Variants in SAE1 observed in about 807,000 individuals in gnomAD.
SAE1 encodes the protein SUMO-activating enzyme subunit 1.
Under a neutral mutation model 40.6 loss-of-function variants are expected in SAE1, and 11 were observed. The ratio of observed to expected loss-of-function variants is 0.27; its 90% CI spans 0.17 to 0.45. SAE1 has a LOEUF of 0.45. SAE1 is among the 20% of genes least tolerant of loss of function. The probability of loss-of-function intolerance (pLI) is 1.00; values close to 1 mark genes in which losing one functional copy is unlikely to be tolerated. For synonymous variants in SAE1, 155 were observed against 154.3 expected (o/e 1.00, Z -0.03); for missense variants, 373 against 427.3 (o/e 0.87, Z 1.12).
At chr19:47,158,882 T>C (rs949408393) in intron 5 of SAE1, among the ~76,000 whole-genome samples, 14 of 152,226 alleles carry the variant, frequency 9.2e-5, no homozygotes, top group Admixed American at 8.5e-4. Context: ...CAAAGAGGGA[T>C]ACCCCTGAAG....
intron 6 of SAE1, among the ~76,000 whole-genome samples, chr19:47,196,782 T>TG: frequency 6.6e-6 from 1 of 152,094 alleles, no homozygotes; most frequent in Admixed American, 6.6e-5. Context: ...GATACCACCC[T>TG]ACAGAGGGTG....
At chr19:47,151,384 C>T (rs542151794) in intron 3 of SAE1, among the ~76,000 whole-genome samples, 1 of 152,274 alleles carries the variant, frequency 6.6e-6, no homozygotes, top group African/African-American at 2.4e-5. Context: ...CCCCTGACCT[C>T]AGGTAATCCA....
chr19:47,182,507 ACG>A (rs1308937901), intron 6 of SAE1, among the ~76,000 whole-genome samples: 1 of 137,670 alleles, frequency 7.3e-6, no homozygotes. Flanking sequence ...GCGCGCACGC[ACG>A]CGCGCGCGCA....
chr19:47,173,823 C>T (rs2058450427), intron 6 of SAE1, among the ~76,000 whole-genome samples: 1 of 147,856 alleles, frequency 6.8e-6, no homozygotes, highest in African/African-American at 2.5e-5. Flanking sequence ...CTCTCTCTGT[C>T]ACCCAGGCTG....
chr19:47,147,451 GT>G (rs913600035), intron 2 of SAE1, among the ~76,000 whole-genome samples: 1 of 150,894 alleles, frequency 6.6e-6, no homozygotes. Context: ...TCAATTATAT[GT>G]TTTTTTTGTT....
intron 1 of SAE1, among the ~76,000 whole-genome samples, chr19:47,134,650 T>C (rs906123663): frequency 2.6e-5 from 4 of 151,966 alleles, no homozygotes; most frequent in Admixed American, 2.0e-4. Flanking sequence ...ACTGGAAGGG[T>C]TAATCGAAGG....
chr19:47,153,401 A>G (rs2058299660), intron 4 of SAE1, among the ~76,000 whole-genome samples: 1 of 152,218 alleles, frequency 6.6e-6, no homozygotes, highest in Non-Finnish European at 1.5e-5. Flanking sequence ...CATTTTGAAC[A>G]CTGAGGCTGC....
chr19:47,194,994 C>G (rs377634387), intron 6 of SAE1, among the ~76,000 whole-genome samples: 1 of 150,840 alleles, frequency 6.6e-6, no homozygotes, highest in Non-Finnish European at 1.5e-5. Context: ...CTGCCTGCCT[C>G]GGCCTCCCAA....
At chr19:47,148,903 C>T (rs1420466897) in intron 2 of SAE1, among the ~76,000 whole-genome samples, 5 of 152,008 alleles carry the variant, frequency 3.3e-5, no homozygotes, top group African/African-American at 9.7e-5. Flanking sequence ...CGTGAGCCAC[C>T]GCACCTGGCC....
chr19:47,158,770 A>G (rs974966682), intron 5 of SAE1, among the ~76,000 whole-genome samples: 1 of 152,178 alleles, frequency 6.6e-6, no homozygotes, highest in Non-Finnish European at 1.5e-5. Context: ...GCTGATAAAG[A>G]AGCTATGAGA....
chr19:47,205,336 T>G (rs2058680144), intron 8 of SAE1, among the ~76,000 whole-genome samples: 1 of 151,378 alleles, frequency 6.6e-6, no homozygotes. Context: ...TTTTTTTTTT[T>G]TGTCTATTTT....
At position 47,179,048 on chromosome 19, in the gene SAE1, C is replaced by T. The variant is rs565355645; in HGVS notation, c.733+9125C>T. ...CTCTACTAAAAATACAAAAATTAGC[C>T]GGGCGTGGTGGCGGGCGTCTGTAGT... On this transcript the variant is annotated intron_variant, in intron 6 of 8. Transcript: ENST00000270225. Among the ~76,000 whole-genome samples, 6 of 151,550 alleles carry T rather than the reference C, an allele frequency of 4.0e-5. No homozygotes were observed. In the East Asian group the frequency reaches 7.8e-4, roughly 20 times the overall value.
intron 1 of SAE1, among the ~76,000 whole-genome samples, chr19:47,134,358 G>A (rs1263211178): frequency 6.6e-6 from 1 of 151,794 alleles, no homozygotes; most frequent in Non-Finnish European, 1.5e-5. Context: ...GTGGTGGGAT[G>A]GGAATTACCT....
chr19:47,193,936 A>G (rs978890632), intron 6 of SAE1, among the ~76,000 whole-genome samples: 2 of 151,948 alleles, frequency 1.3e-5, no homozygotes, highest in Admixed American at 6.6e-5. Flanking sequence ...AATACAGGCC[A>G]GGGGCCTTTG....
intron 6 of SAE1, among the ~76,000 whole-genome samples, chr19:47,184,833 GTTTT>G (rs1403886036): frequency 6.8e-6 from 1 of 147,164 alleles, no homozygotes; most frequent in Non-Finnish European, 1.5e-5. Context: ...GTTTTGTTTT[GTTTT>G]GTTTTTGAGA....
Position 47,131,045 on chromosome 19 carries a change from C to T in SAE1, c.98+17C>T, listed in dbSNP as rs1157645165. 1 of 1,519,922 alleles carries T rather than the reference C, an allele frequency of 6.6e-7. No individual in the cohort carries two copies. The highest frequency in any genetic ancestry group is 2.5e-5 in the East Asian group (1 of 39,918). 94.2% of individuals were successfully genotyped at this position (1,519,922 alleles called of 1,614,324 possible). ...CCAGAAACGGTCAGGGCCGGCGCGG[C>T]TTGAGGCCGCTAGGGTCTGGAGGGG... On this transcript the variant is annotated intron_variant, in intron 1 of 8. Transcript: ENST00000270225.
intron 5 of SAE1, among the ~76,000 whole-genome samples, chr19:47,157,361 A>C (rs1375030289): frequency 6.6e-6 from 1 of 152,212 alleles, no homozygotes; most frequent in Non-Finnish European, 1.5e-5. Context: ...AATTGTTAAC[A>C]AACGGAGGAG....
In SAE1 at chr19:47,197,316, C is replaced by T. The variant is rs1461462870; in HGVS notation, c.817C>T (p.Arg273Ter). 4.3e-6 allele frequency: 7 copies of T among 1,613,976 alleles called. No individual in the cohort carries two copies. The highest frequency in any genetic ancestry group is 2.5e-6 in the Non-Finnish European group (3 of 1,179,872). ...EEDSELLLQIRNDVLDSLGIS... is the reference protein window; with the variant it reads ...EEDSELLLQI ...AGATTCTGAGTTGTTGCTCCAGATACGAAATGATGTGCTTGACTCACTGGG... is the reference window on the plus strand; with the variant it reads ...AGATTCTGAGTTGTTGCTCCAGATATGAAATGATGTGCTTGACTCACTGGG... The change falls in exon 7 of 9, where the codon CGA becomes TGA. Residue 273 changes from arginine (R) to a stop codon, truncating the protein, a stop_gained. Coordinates refer to ENST00000270225, the MANE Select transcript of SAE1 (RefSeq NM_005500.3). LOFTEE classifies it high-confidence loss of function.
intron 1 of SAE1, among the ~76,000 whole-genome samples, chr19:47,140,639 C>A (rs888354331): frequency 2.3e-4 from 31 of 134,996 alleles, no homozygotes; most frequent in Admixed American, 4.5e-4. Flanking sequence ...AAAAAAAAAA[C>A]CCATAAATCA....
Sources: gnomAD v4.1 joint callset for allele counts (sites outside exome capture counted in the v4.1 genomes callset) on GRCh38, gnomAD v4.1.1 for gene constraint, MANE v1.5 for transcripts, NCBI Gene and HGNC (gene_info 2026-07-23, HGNC 2026-07-21) for gene names.